The following CTNNA3 variants were observed in gnomAD, a reference collection of about 807,000 sequenced individuals.
The protein encoded by CTNNA3 is catenin alpha-3.
CTNNA3 carries 76 observed loss-of-function variants against 95.7 expected under a neutral mutation model. The ratio of observed to expected loss-of-function variants is 0.79; its 90% CI spans 0.66 to 0.96. The LOEUF is 0.96. Among genes scored for constraint, CTNNA3 ranks in the 40% least tolerant of loss-of-function variants. The pLI, the probability that CTNNA3 is intolerant of heterozygous loss-of-function variation, is 0.00. For synonymous variants in CTNNA3, 431 were observed against 374.4 expected (o/e 1.15, Z -1.74); for missense variants, 1,191 against 1,089.8 (o/e 1.09, Z -1.31).
At chr10:66,834,364 A>G (rs1335997624) in intron 7 of CTNNA3, among the ~76,000 whole-genome samples, 1 of 152,222 alleles carries the variant, frequency 6.6e-6, no homozygotes, top group Non-Finnish European at 1.5e-5. Flanking sequence ...AAGGGGCATT[A>G]ACAATAACAC....
chr10:67,117,014 T>C (rs1859223604), intron 7 of CTNNA3, among the ~76,000 whole-genome samples: 1 of 151,764 alleles, frequency 6.6e-6, no homozygotes, highest in South Asian at 2.1e-4. Context: ...GAGGCTTAAA[T>C]GTGATTCATC....
At chr10:66,300,292 G>C (rs73319944) in intron 12 of CTNNA3, among the ~76,000 whole-genome samples, 124 of 152,204 alleles carry the variant, frequency 8.1e-4, no homozygotes, top group African/African-American at 2.8e-3. Flanking sequence ...AGGAGAAATA[G>C]TACACTTGCA....
chr10:67,339,765 T>A (rs1430434061), intron 5 of CTNNA3, among the ~76,000 whole-genome samples: 1 of 152,168 alleles, frequency 6.6e-6, no homozygotes, highest in East Asian at 1.9e-4. Context: ...TGAAAATAGA[T>A]CAGATGTAAC....
intron 7 of CTNNA3, among the ~76,000 whole-genome samples, chr10:67,140,223 A>G (rs1298620430): frequency 6.6e-6 from 1 of 152,202 alleles, no homozygotes; most frequent in African/African-American, 2.4e-5. Flanking sequence ...TTGGTAAGTC[A>G]TCACTTCTTT....
At chr10:67,583,476 C>A (rs574914033) in intron 3 of CTNNA3, among the ~76,000 whole-genome samples, 28 of 152,322 alleles carry the variant, frequency 1.8e-4, no homozygotes, top group African/African-American at 6.7e-4. Context: ...ATCTTTCTCT[C>A]TGGCTGCCCT....
intron 5 of CTNNA3, among the ~76,000 whole-genome samples, chr10:67,229,574 T>G (rs1410590925): frequency 2.0e-5 from 3 of 152,122 alleles, no homozygotes; most frequent in Admixed American, 2.0e-4. Context: ...AAACCCTAAA[T>G]ACTCCTCCAG....
intron 15 of CTNNA3, among the ~76,000 whole-genome samples, chr10:66,069,029 G>A (rs1253555102): frequency 6.6e-6 from 1 of 152,146 alleles, no homozygotes. Context: ...GAAGTCACAT[G>A]CTAGTATGAT....
At chr10:66,341,362 G>A (rs892513377) in intron 12 of CTNNA3, among the ~76,000 whole-genome samples, 1 of 151,830 alleles carries the variant, frequency 6.6e-6, no homozygotes, top group Non-Finnish European at 1.5e-5. Flanking sequence ...TTCAGTGAAA[G>A]CAAAACCCCA....
At chr10:66,819,546 A>G (rs372586356) in intron 7 of CTNNA3, among the ~76,000 whole-genome samples, 1 of 152,284 alleles carries the variant, frequency 6.6e-6, no homozygotes, top group East Asian at 1.9e-4. Context: ...CCAATCAAGA[A>G]ATTGAAAAAA....
At chr10:67,597,364 T>C (rs1399924665) in intron 3 of CTNNA3, among the ~76,000 whole-genome samples, 1 of 152,230 alleles carries the variant, frequency 6.6e-6, no homozygotes, top group East Asian at 1.9e-4. Flanking sequence ...GTTCTTACAC[T>C]GGTTCTTTCT....
rs1864671818 is a variant in CTNNA3 at position 67,221,799 on chromosome 10, C to T, written c.580-1929G>A. On this transcript the variant is annotated intron_variant, in intron 5 of 17. Coordinates refer to ENST00000433211, the MANE Select transcript of CTNNA3 (RefSeq NM_013266.4). ...TCATGCTAGCCAGGATGGTCTCGAT[C>T]TTCTGACCTTGTGATCCGCCCGCCT... Among the ~76,000 whole-genome samples, 3 of 152,228 alleles carry T rather than the reference C, an allele frequency of 2.0e-5. No homozygotes were observed. In the South Asian group the frequency reaches 6.2e-4, roughly 32 times the overall value.
chr10:67,542,886 A>G (rs1314872654), intron 3 of CTNNA3, among the ~76,000 whole-genome samples: 1 of 152,150 alleles, frequency 6.6e-6, no homozygotes, highest in Non-Finnish European at 1.5e-5. Flanking sequence ...AAAAAGGTAC[A>G]GGTTTCCTTT....
At chr10:66,620,756 A>G (rs1844716460) in intron 10 of CTNNA3, among the ~76,000 whole-genome samples, 1 of 152,176 alleles carries the variant, frequency 6.6e-6, no homozygotes, top group South Asian at 2.1e-4. Context: ...CCAAAGAAGC[A>G]GTTTCCTTCA....
intron 7 of CTNNA3, among the ~76,000 whole-genome samples, chr10:66,990,390 A>G (rs1469119130): frequency 2.0e-5 from 3 of 152,216 alleles, no homozygotes; most frequent in African/African-American, 7.2e-5. Context: ...TTTAAATAAG[A>G]AAGATGCACA....
intron 7 of CTNNA3, among the ~76,000 whole-genome samples, chr10:66,988,820 A>G (rs564581656): frequency 6.6e-6 from 1 of 152,144 alleles, no homozygotes; most frequent in Non-Finnish European, 1.5e-5. Flanking sequence ...ATAGATCATT[A>G]TAAACCTCTT....
At chr10:66,991,926 G>T (rs558507366) in intron 7 of CTNNA3, among the ~76,000 whole-genome samples, 1 of 152,138 alleles carries the variant, frequency 6.6e-6, no homozygotes, top group Admixed American at 6.5e-5. Flanking sequence ...ACTCCTGTTG[G>T]CCATTAACCT....
chr10:66,909,088 C>T (rs10997439), intron 7 of CTNNA3, among the ~76,000 whole-genome samples: 4,221 of 152,164 alleles, frequency 0.028, 81 homozygotes, highest in Non-Finnish European at 0.044. Flanking sequence ...TCATTGAAAG[C>T]CCACTTAAGC....
chr10:66,822,257 T>C (rs1842329532), intron 7 of CTNNA3, among the ~76,000 whole-genome samples: 1 of 152,014 alleles, frequency 6.6e-6, no homozygotes, highest in South Asian at 2.1e-4. Flanking sequence ...ATTTAATATA[T>C]AAGATGTCAT....
At chr10:67,438,588 G>C (rs1352809102) in intron 5 of CTNNA3, among the ~76,000 whole-genome samples, 3 of 152,150 alleles carry the variant, frequency 2.0e-5, no homozygotes, top group Non-Finnish European at 4.4e-5. Context: ...CAAAAAATCA[G>C]GTAAGCAATC....
Sources: allele counts gnomAD v4.1 joint callset (sites outside exome capture counted in the v4.1 genomes callset), GRCh38; gene constraint gnomAD v4.1.1; transcripts MANE v1.5; gene names NCBI Gene and HGNC (gene_info 2026-07-23, HGNC 2026-07-21).